IL19: variants seen among roughly 807,000 people sequenced by gnomAD.
The protein encoded by IL19 is interleukin-19.
A neutral mutation model predicts 19.5 loss-of-function variants in IL19; 15 were observed. The observed-to-expected ratio is 0.77, with a 90% CI of 0.52 to 1.19. The LOEUF is 1.19. Ranked by LOEUF, IL19 falls within the 50% of genes most tolerant of loss-of-function variation. The pLI is 0.00. For missense variants in IL19, 199 were observed against 213.1 expected, an observed-to-expected ratio of 0.93 and a Z score of 0.41; for synonymous variants, 78 against 78.3, an observed-to-expected ratio of 1.00 and a Z score of 0.02.
intron 2 of IL19, chr1:206,828,968 G>A (rs1286380532): frequency 6.6e-6 from 1 of 150,610 alleles, no homozygotes; most frequent in Non-Finnish European, 1.5e-5. Flanking sequence ...CTGACTACAG[G>A]TGTGCATGAG....
intron 2 of IL19, among the ~76,000 whole-genome samples, chr1:206,805,876 C>T (rs1025114687): frequency 1.3e-5 from 2 of 152,192 alleles, no homozygotes; most frequent in African/African-American, 4.8e-5. Flanking sequence ...TTCAAACCAG[C>T]TTAAACAAAA....
intron 2 of IL19, among the ~76,000 whole-genome samples, chr1:206,812,374 T>C (rs1676037307): frequency 6.6e-6 from 1 of 152,176 alleles, no homozygotes; most frequent in Non-Finnish European, 1.5e-5. Flanking sequence ...TACATCAATG[T>C]CCCATTGGTT....
intron 2 of IL19, among the ~76,000 whole-genome samples, chr1:206,823,503 C>G (rs1188812503): frequency 3.3e-5 from 5 of 150,796 alleles, no homozygotes; most frequent in African/African-American, 1.2e-4. Context: ...TGCAGTGAGC[C>G]GAGATCATGC....
At chr1:206,771,113 G>A (rs1674819949) in intron 1 of IL19, 35 bp downstream of exon 1, 1 of 1,588,496 alleles carries the variant, frequency 6.3e-7, no homozygotes, top group African/African-American at 1.3e-5. Flanking sequence ...GCTGGGAGGA[G>A]GGGCTGCTGC....
At chr1:206,815,679 C>T (rs1572563090) in intron 2 of IL19, among the ~76,000 whole-genome samples, 1 of 152,022 alleles carries the variant, frequency 6.6e-6, no homozygotes, top group East Asian at 1.9e-4. Context: ...AAGAAAATGA[C>T]ACCAAGCAAG....
intron 1 of IL19, among the ~76,000 whole-genome samples, chr1:206,798,221 G>A (rs565260494): frequency 1.3e-5 from 2 of 152,244 alleles, no homozygotes; most frequent in Admixed American, 6.5e-5. Flanking sequence ...TGCGATCATA[G>A]TGCACTGCAG....
At chr1:206,785,672 C>A (rs905892258) in intron 1 of IL19, among the ~76,000 whole-genome samples, 4 of 152,328 alleles carry the variant, frequency 2.6e-5, no homozygotes, top group African/African-American at 9.6e-5. Context: ...CAGAAGTTGA[C>A]CCAAGACGAC....
At chr1:206,800,259 C>G (rs1675647089) in intron 2 of IL19, among the ~76,000 whole-genome samples, 1 of 152,256 alleles carries the variant, frequency 6.6e-6, no homozygotes, top group African/African-American at 2.4e-5. Flanking sequence ...TCAGTCAACA[C>G]CGTTTCCTCT....
intron 2 of IL19, among the ~76,000 whole-genome samples, chr1:206,799,512 C>T (rs747516978): frequency 6.6e-6 from 1 of 152,176 alleles, no homozygotes; most frequent in South Asian, 2.1e-4. Context: ...CTCTCTGAGG[C>T]CACGTAGTCA....
At chr1:206,778,650 G>C (rs1675063201) in intron 1 of IL19, among the ~76,000 whole-genome samples, 1 of 152,086 alleles carries the variant, frequency 6.6e-6, no homozygotes, top group Non-Finnish European at 1.5e-5. Context: ...GTTGAGCAGG[G>C]GGTTCCACAT....
chr1:206,781,414 C>CAAAAAAAAAAAAAA (rs57060549), intron 1 of IL19, among the ~76,000 whole-genome samples: 1 of 43,022 alleles, frequency 2.3e-5, no homozygotes, highest in Non-Finnish European at 4.2e-5. Flanking sequence ...GACTCTGTCT[C>CAAAAAAAAAAAAAA]AAAAAAAAAA....
intron 2 of IL19, among the ~76,000 whole-genome samples, chr1:206,811,199 G>A (rs1341035747): frequency 6.6e-6 from 1 of 152,082 alleles, no homozygotes; most frequent in African/African-American, 2.4e-5. Context: ...TGATCATGGT[G>A]CATCTAGGAA....
chr1:206,812,186 C>T (rs1033409097), intron 2 of IL19, among the ~76,000 whole-genome samples: 7 of 152,240 alleles, frequency 4.6e-5, no homozygotes, highest in African/African-American at 1.4e-4. Flanking sequence ...TATATGGTTC[C>T]ATATTTCCTG....
intron 1 of IL19, among the ~76,000 whole-genome samples, chr1:206,775,126 T>C (rs1188433884): frequency 6.6e-6 from 1 of 151,996 alleles, no homozygotes; most frequent in African/African-American, 2.4e-5. Context: ...CTGCAAGCTC[T>C]GCCTCCCGAG....
chr1:206,807,225 C>T (rs1476193305), intron 2 of IL19, among the ~76,000 whole-genome samples: 1 of 152,160 alleles, frequency 6.6e-6, no homozygotes, highest in Non-Finnish European at 1.5e-5. Flanking sequence ...CCTCCCATGA[C>T]ATGTGGGAAT....
intron 1 of IL19, among the ~76,000 whole-genome samples, chr1:206,780,155 C>A (rs899809140): frequency 7.9e-5 from 12 of 152,208 alleles, no homozygotes; most frequent in Non-Finnish European, 1.3e-4. Context: ...TCTCAGAACA[C>A]CTTGCTCCCA....
chr1:206,778,824 G>C (rs1483724300), intron 1 of IL19, among the ~76,000 whole-genome samples: 1 of 152,090 alleles, frequency 6.6e-6, no homozygotes, highest in Non-Finnish European at 1.5e-5. Flanking sequence ...CCTCTTCCTT[G>C]CCAATCTATG....
intron 1 of IL19, among the ~76,000 whole-genome samples, chr1:206,783,271 C>G (rs1468316599): frequency 6.6e-6 from 1 of 152,160 alleles, no homozygotes; most frequent in Non-Finnish European, 1.5e-5. Flanking sequence ...CCTAAGTTGT[C>G]TCGACCTTCA....
intron 1 of IL19, among the ~76,000 whole-genome samples, chr1:206,783,842 T>C (rs895458967): frequency 6.6e-6 from 1 of 152,198 alleles, no homozygotes; most frequent in Non-Finnish European, 1.5e-5. Flanking sequence ...TGCGGCAGTA[T>C]CTATATACAA....
Sources: gnomAD v4.1 joint callset for allele counts (sites outside exome capture counted in the v4.1 genomes callset) on GRCh38, gnomAD v4.1.1 for gene constraint, MANE v1.5 for transcripts, NCBI Gene and HGNC (gene_info 2026-07-23, HGNC 2026-07-21) for gene names.